TEKTIP1: variants seen among roughly 807,000 people sequenced by gnomAD.
TEKTIP1 encodes the protein tektin bundle-interacting protein 1.
At chr19:3,540,361 G>A in the TEKTIP1 span, among the ~76,000 whole-genome samples, 1 of 151,748 alleles carries the variant, frequency 6.6e-6, no homozygotes, top group East Asian at 2.0e-4. Context: ...TGGTTCGAGC[G>A]ATTCTCCTGC....
At chr19:3,540,529 T>C in the TEKTIP1 span, among the ~76,000 whole-genome samples, 1 of 151,550 alleles carries the variant, frequency 6.6e-6, no homozygotes, top group South Asian at 2.1e-4. Flanking sequence ...GTGCTGGGAT[T>C]ACAGGCGTGA....
At chr19:3,543,040 G>A in the TEKTIP1 span, 2 of 1,606,246 alleles carry the variant, frequency 1.2e-6, no homozygotes, top group South Asian at 1.1e-5. Flanking sequence ...GGGAGAGGGG[G>A]AGTCAGCCTC....
the TEKTIP1 span, chr19:3,543,870 G>A: frequency 6.5e-7 from 1 of 1,549,592 alleles, no homozygotes; most frequent in East Asian, 2.4e-5. Context: ...ACTGTGGAGG[G>A]CATCAGACTA....
chr19:3,542,205 T>C, the TEKTIP1 span: 1 of 985,262 alleles, frequency 1.0e-6, no homozygotes, highest in African/African-American at 1.7e-5. Context: ...ATTGCCTTTC[T>C]AGTGGAAAAG....
At chr19:3,543,897 G>C in the TEKTIP1 span, 4 of 1,550,808 alleles carry the variant, frequency 2.6e-6, no homozygotes, top group Non-Finnish European at 3.5e-6. Flanking sequence ...CTCCCTGTCG[G>C]CACCCCAGCG....
the TEKTIP1 span, chr19:3,542,781 C>T: frequency 1.9e-4 from 261 of 1,366,872 alleles, 1 homozygote; most frequent in African/African-American, 3.2e-3. Context: ...CACACCTGGC[C>T]TAGTGGGTCC....
the TEKTIP1 span, among the ~76,000 whole-genome samples, chr19:3,540,606 G>A: frequency 1.3e-3 from 205 of 151,924 alleles, no homozygotes; most frequent in African/African-American, 4.9e-3. Flanking sequence ...GCAGCCAGGC[G>A]CAGTGGCTCA....
chr19:3,542,917 G>C, the TEKTIP1 span: 1 of 1,442,144 alleles, frequency 6.9e-7, no homozygotes, highest in Non-Finnish European at 9.3e-7. Flanking sequence ...AAGGACTGTA[G>C]GAATCCAGGA....
At chr19:3,543,361 G>A in the TEKTIP1 span, 266 of 1,549,376 alleles carry the variant, frequency 1.7e-4, 2 homozygotes, top group East Asian at 3.5e-3. Flanking sequence ...TGACCAACTC[G>A]GACGCCTGGG....
chr19:3,543,886 C>T, the TEKTIP1 span: 58 of 1,550,658 alleles, frequency 3.7e-5, no homozygotes, highest in Non-Finnish European at 4.9e-5. Flanking sequence ...GACTACGTGC[C>T]CTCCCTGTCG....
the TEKTIP1 span, chr19:3,543,895 C>G: frequency 1.9e-6 from 3 of 1,550,798 alleles, no homozygotes; most frequent in Non-Finnish European, 2.6e-6. Flanking sequence ...CCCTCCCTGT[C>G]GGCACCCCAG....
chr19:3,542,510 G>T, the TEKTIP1 span: 1 of 970,486 alleles, frequency 1.0e-6, no homozygotes, highest in Non-Finnish European at 1.2e-6. Context: ...GTCTCACTCT[G>T]TTGCCCAGGC....
the TEKTIP1 span, chr19:3,543,848 CG>C: frequency 6.5e-7 from 1 of 1,542,494 alleles, no homozygotes; most frequent in Non-Finnish European, 8.8e-7. Context: ...GGAACCGGTA[CG>C]GGGTGGAGCC....
At chr19:3,543,679 C>T in the TEKTIP1 span, 442 of 1,534,392 alleles carry the variant, frequency 2.9e-4, 2 homozygotes, top group South Asian at 4.8e-4. Flanking sequence ...GCAAGGAATA[C>T]GGTGAGGCTA....
chr19:3,541,063 G>A, the TEKTIP1 span, among the ~76,000 whole-genome samples: 3 of 150,502 alleles, frequency 2.0e-5, no homozygotes, highest in Non-Finnish European at 4.4e-5. Context: ...CAGCTACTCG[G>A]GAGGCTGAGG....
chr19:3,543,480 G>GTC, the TEKTIP1 span: 1 of 1,337,366 alleles, frequency 7.5e-7, no homozygotes, highest in South Asian at 1.3e-5. Flanking sequence ...TCGGGTGAGT[G>GTC]CCCCCCCCCC....
chr19:3,540,695 C>T, the TEKTIP1 span, among the ~76,000 whole-genome samples: 7 of 148,948 alleles, frequency 4.7e-5, no homozygotes, highest in African/African-American at 1.7e-4. Context: ...GCCTGACCAA[C>T]ATGGTGAAAC....
chr19:3,543,396 C>T, the TEKTIP1 span: 3 of 1,548,804 alleles, frequency 1.9e-6, no homozygotes, highest in African/African-American at 2.7e-5. Context: ...CTGCCACGGG[C>T]CCCGGCCAGC....
the TEKTIP1 span, chr19:3,543,509 T>C: frequency 8.2e-7 from 1 of 1,220,670 alleles, no homozygotes; most frequent in South Asian, 1.3e-5. Flanking sequence ...GCAGCGGGCC[T>C]GCCAGAGGGG....
Sources: gnomAD v4.1 joint callset for allele counts (sites outside exome capture counted in the v4.1 genomes callset) on GRCh38, gnomAD v4.1.1 for gene constraint, MANE v1.5 for transcripts, NCBI Gene and HGNC (gene_info 2026-07-23, HGNC 2026-07-21) for gene names.